Variants in ZFHX3 observed in about 807,000 individuals in gnomAD.
The protein encoded by ZFHX3 is zinc finger homeobox protein 3.
ZFHX3 carries 42 observed loss-of-function variants against 279.1 expected under a neutral mutation model. That is an observed-to-expected ratio of 0.15 (90% CI 0.12 to 0.19). The LOEUF is 0.19. Ranked by LOEUF, ZFHX3 falls within the 10% of genes least tolerant of loss-of-function variation. The probability of loss-of-function intolerance (pLI) is 1.00; values close to 1 mark genes in which losing one functional copy is unlikely to be tolerated. For synonymous variants in ZFHX3, 2,293 were observed against 1,957.8 expected, an observed-to-expected ratio of 1.17 and a Z score of -4.52; for missense variants, 4,981 against 4,754.0, an observed-to-expected ratio of 1.05 and a Z score of -1.40.
chr16:73,851,911 G>A (rs1661167803), intron 1 of ZFHX3, among the ~76,000 whole-genome samples: 1 of 152,090 alleles, frequency 6.6e-6, no homozygotes, highest in South Asian at 2.1e-4. Context: ...TGATAGGGGA[G>A]GTAGGGCATT....
At chr16:72,870,033 C>T (rs1403017012) in intron 4 of ZFHX3, among the ~76,000 whole-genome samples, 1 of 152,066 alleles carries the variant, frequency 6.6e-6, no homozygotes, top group Non-Finnish European at 1.5e-5. Context: ...TTGAAGGATA[C>T]TTGACAAAAC....
intron 4 of ZFHX3, among the ~76,000 whole-genome samples, chr16:73,306,784 G>A (rs578198372): frequency 6.4e-4 from 97 of 152,300 alleles, no homozygotes; most frequent in African/African-American, 2.1e-3. Flanking sequence ...GGAATCAGAT[G>A]GTTTATGCAG....
intron 2 of ZFHX3, among the ~76,000 whole-genome samples, chr16:73,614,301 T>G (rs942396302): frequency 9.8e-5 from 15 of 152,302 alleles, no homozygotes; most frequent in African/African-American, 2.2e-4. Flanking sequence ...ATTCAGGAGT[T>G]TGCATGTGAT....
chr16:73,161,055 C>A (rs1967224357), intron 5 of ZFHX3, among the ~76,000 whole-genome samples: 1 of 152,152 alleles, frequency 6.6e-6, no homozygotes, highest in African/African-American at 2.4e-5. Flanking sequence ...TCACTGCAAC[C>A]TCCATATCCC....
intron 5 of ZFHX3, among the ~76,000 whole-genome samples, chr16:72,825,490 A>G (rs1597280991): frequency 6.6e-6 from 1 of 152,342 alleles, no homozygotes; most frequent in East Asian, 1.9e-4. Flanking sequence ...ACCTGTCTGT[A>G]TACCTTTTGG....
chr16:73,677,341 A>G (rs1230678191), intron 2 of ZFHX3, among the ~76,000 whole-genome samples: 5 of 151,970 alleles, frequency 3.3e-5, no homozygotes, highest in East Asian at 1.9e-4. Context: ...AACAATGGAT[A>G]AAGTAAGAAT....
rs2266937 is a variant in ZFHX3, at chr16:72,815,479, A to G, written c.3530-3441T>C. Among the ~76,000 whole-genome samples the G allele has an allele frequency of 3.2e-4, 49 of 152,064 alleles. 1 individual carries two copies. In the East Asian group the frequency reaches 8.9e-3, roughly 28 times the overall value. Reference sequence around the variant, plus strand: ...GCTGGATGAGGGTTTATCACAGACCACAGTCAGAGGTTCTCTCAAGTTTCT... The same window carrying G: ...GCTGGATGAGGGTTTATCACAGACCGCAGTCAGAGGTTCTCTCAAGTTTCT... On this transcript the variant is annotated intron_variant, in intron 5 of 9. Coordinates refer to ENST00000268489, the MANE Select transcript of ZFHX3 (RefSeq NM_006885.4).
chr16:73,386,479 C>T (rs1319533259), intron 3 of ZFHX3, among the ~76,000 whole-genome samples: 5 of 152,086 alleles, frequency 3.3e-5, no homozygotes, highest in African/African-American at 7.2e-5. Flanking sequence ...ATAGTGGTTA[C>T]GTGTAAGACT....
intron 1 of ZFHX3, among the ~76,000 whole-genome samples, chr16:73,016,329 T>G (rs1184784797): frequency 6.6e-6 from 1 of 152,168 alleles, no homozygotes; most frequent in Non-Finnish European, 1.5e-5. Flanking sequence ...GATTTAAATG[T>G]TCAATTTTAG....
chr16:73,783,086 C>T (rs1443051342), intron 1 of ZFHX3, among the ~76,000 whole-genome samples: 1 of 152,144 alleles, frequency 6.6e-6, no homozygotes, highest in Non-Finnish European at 1.5e-5. Flanking sequence ...CAGCCCACTC[C>T]CAGCTTCATG....
intron 1 of ZFHX3, among the ~76,000 whole-genome samples, chr16:73,847,666 G>C (rs891443003): frequency 6.6e-6 from 1 of 152,094 alleles, no homozygotes; most frequent in Non-Finnish European, 1.5e-5. Flanking sequence ...AGAGTTGTTA[G>C]GAAGATTAAA....
chr16:72,783,699 G>T lies in ZFHX3; in HGVS notation c.*3465C>A, dbSNP rs2035222969. The T allele has an allele frequency of 6.6e-6, 1 of 152,172 alleles. No homozygotes were observed. The highest frequency in any genetic ancestry group is 2.4e-5 in the African/African-American group (1 of 41,444). 9.4% of individuals were successfully genotyped at this position (152,172 alleles called of 1,614,324 possible). A position where few individuals can be genotyped will look rare whatever the true frequency, so the allele number is the denominator to read the frequency against. ...CTCCCATTCTGTGGGTCAGACTGGT[G>T]TCTAGCACCAACCCACACTATAGGG... On this transcript the variant is annotated 3_prime_UTR_variant, in exon 10 of 10. Coordinates refer to ENST00000268489, the MANE Select transcript of ZFHX3 (RefSeq NM_006885.4).
chr16:72,806,190 A>C (rs2036259008), intron 7 of ZFHX3, among the ~76,000 whole-genome samples: 1 of 152,152 alleles, frequency 6.6e-6, no homozygotes, highest in Non-Finnish European at 1.5e-5. Flanking sequence ...TCTGTATGGT[A>C]GTTCATTCAA....
At chr16:73,503,345 G>C (rs1567503294) in intron 2 of ZFHX3, among the ~76,000 whole-genome samples, 1 of 152,168 alleles carries the variant, frequency 6.6e-6, no homozygotes, top group Non-Finnish European at 1.5e-5. Context: ...TGCGGTGTTG[G>C]GCACACTGAC....
intron 4 of ZFHX3, among the ~76,000 whole-genome samples, chr16:72,870,845 GT>G (rs552347859): frequency 1.8e-4 from 27 of 152,006 alleles, no homozygotes; most frequent in African/African-American, 2.7e-4. Context: ...TAACCTAATA[GT>G]TTTATAGCAA....
At chr16:73,842,033 G>A (rs1961323009) in intron 1 of ZFHX3, among the ~76,000 whole-genome samples, 1 of 151,370 alleles carries the variant, frequency 6.6e-6, no homozygotes, top group South Asian at 2.1e-4. Context: ...TGACCAACAT[G>A]GTGAAACCCG....
chr16:73,722,767 G>C (rs1015183044), intron 1 of ZFHX3, among the ~76,000 whole-genome samples: 15 of 152,280 alleles, frequency 9.9e-5, no homozygotes, highest in Admixed American at 5.2e-4. Flanking sequence ...GTGCAAACTG[G>C]ATCTTACAGA....
At position 73,175,903 on chromosome 16, in the gene ZFHX3, G is replaced by A. The variant is rs1041951379; in HGVS notation, c.-1103-32072C>T. 3.3e-5 allele frequency among the ~76,000 whole-genome samples: 5 copies of A among 152,216 alleles called. No individual in the cohort carries two copies. The South Asian group carries it at 1.0e-3, about 32-fold the overall frequency. ...GGATGACAAATGATTTTTTACTTGG[G>A]GGGCAGGGCTATGTCTAATAATCTT... On this transcript the variant is annotated intron_variant, in intron 5 of 17. Transcript: ENST00000641206.
At chr16:73,556,584 A>G (rs1473897268) in intron 2 of ZFHX3, among the ~76,000 whole-genome samples, 1 of 151,988 alleles carries the variant, frequency 6.6e-6, no homozygotes, top group Non-Finnish European at 1.5e-5. Flanking sequence ...AGAAAAATCT[A>G]CTGGGGTTTT....
Sources: allele counts gnomAD v4.1 joint callset (sites outside exome capture counted in the v4.1 genomes callset), GRCh38; gene constraint gnomAD v4.1.1; transcripts MANE v1.5; gene names NCBI Gene and HGNC (gene_info 2026-07-23, HGNC 2026-07-21).